The following C1orf74 variants were observed in gnomAD, a reference collection of about 807,000 sequenced individuals.
The protein encoded by C1orf74 is UPF0739 protein C1orf74.
In C1orf74, 5 loss-of-function variants were observed where a neutral mutation model predicts 7.3. The observed-to-expected ratio is 0.68, with a 90% confidence interval of 0.36 to 1.44. The LOEUF (loss-of-function observed/expected upper bound fraction) is 1.44. Ranked by LOEUF, C1orf74 falls within the 40% of genes most tolerant of loss-of-function variation. The pLI is 0.04. For synonymous variants in C1orf74, 121 were observed against 132.5 expected (o/e 0.91, Z 0.59); for missense variants, 291 against 314.3 (o/e 0.93, Z 0.56).
At position 209,783,101 on chromosome 1, in the gene C1orf74, G is replaced by T. The variant is rs369345992; in HGVS notation, c.534C>A (p.Gly178=). The T allele has an allele frequency of 3.1e-6, 5 of 1,614,046 alleles. No individual in the cohort carries two copies. The African/African-American group carries it at 5.3e-5, about 17-fold the overall frequency. ...GGTGAAAGGTATAGGGAACAGGATA[G>T]CCCAGGAGGATCCCAAATACAGTAC... ...NLCTVFGILL[G]YPVPYTFHLN... is the part of the protein sequence containing the mutation. The change falls in exon 2 of 2, where the codon GGC becomes GGA. Residue 178 remains glycine (G), a synonymous_variant. Transcript: ENST00000294811.
In C1orf74 at chr1:209,779,341, C is replaced by G. The variant is rs750535352; in HGVS notation, c.*3484G>C. ...TTTGCTTCAAAATCAATCCTTACAGCTTCAAGAACAGGAGAAACTCTTAAC... is the reference window on the plus strand; with the variant it reads ...TTTGCTTCAAAATCAATCCTTACAGGTTCAAGAACAGGAGAAACTCTTAAC... On this transcript the variant is annotated 3_prime_UTR_variant, in exon 2 of 2. Transcript: ENST00000294811. The G allele has an allele frequency of 6.2e-7, 1 of 1,614,150 alleles. No homozygotes were observed. Among genetic ancestry groups the G allele is most frequent in the South Asian group, 1.1e-5 (1 of 91,086 alleles).
rs780382103 is a variant in C1orf74, at chr1:209,783,157, T to C, written c.478A>G (p.Ser160Gly). ...TTCCAGTCTGAGGAATGGAGCCTGCTGTAGGAGACTGCTAGAGATAAGTCC... is the reference window on the plus strand; with the variant it reads ...TTCCAGTCTGAGGAATGGAGCCTGCCGTAGGAGACTGCTAGAGATAAGTCC... The part of the protein sequence containing the change: ...QRDLSLAVSY[S>G]RLHSSDWNLC... The change falls in exon 2 of 2, where the codon AGC becomes GGC. Residue 160 changes from serine (S) to glycine (G), a missense_variant. Transcript: ENST00000294811. 3.1e-6 allele frequency: 5 copies of C among 1,614,160 alleles called. No homozygotes were observed. The Admixed American group carries it at 8.3e-5, about 27-fold the overall frequency.
At position 209,781,517 on chromosome 1, in the gene C1orf74, C is replaced by G; in HGVS notation, c.*1308G>C. ...ATGATGGGACGATTCCTTCTTTAAC[C>G]AAGTTTTGCACATAAAATATATCAG... On this transcript the variant is annotated 3_prime_UTR_variant, in exon 2 of 2. Coordinates refer to ENST00000294811, the MANE Select transcript of C1orf74 (RefSeq NM_152485.4). 7.7e-7 allele frequency: 1 copy of G among 1,290,846 alleles called. No individual in the cohort carries two copies. Among genetic ancestry groups the G allele is most frequent in the Non-Finnish European group, 1.1e-6 (1 of 890,796 alleles). 80.0% of individuals were successfully genotyped at this position (1,290,846 alleles called of 1,614,324 possible).
In C1orf74 at chr1:209,781,990, AT is replaced by A; in HGVS notation, c.*834del. 7.4e-7 allele frequency: 1 copy of A among 1,345,672 alleles called. No individual in the cohort carries two copies. Among genetic ancestry groups the A allele is most frequent in the Non-Finnish European group, 1.1e-6 (1 of 936,608 alleles). 83.4% of individuals were successfully genotyped at this position (1,345,672 alleles called of 1,614,324 possible). A position where few individuals can be genotyped will look rare whatever the true frequency, so the allele number is the denominator to read the frequency against. On this transcript the variant is annotated 3_prime_UTR_variant, in exon 2 of 2. Coordinates refer to ENST00000294811, the MANE Select transcript of C1orf74 (RefSeq NM_152485.4). ...CTGGGCTAGAGTAGGAAGAAGAAAG[AT>A]TTTTGCCTATATCTTTTCCAATCCA... is the stretch of plus-strand genomic sequence containing the variant.
In C1orf74 at chr1:209,783,660, G is replaced by A. The variant is rs187773705; in HGVS notation, c.-26C>T. The A allele has an allele frequency of 5.2e-6, 8 of 1,534,464 alleles. No homozygotes were observed. Among genetic ancestry groups the A allele is most frequent in the African/African-American group, 4.1e-5 (3 of 72,406 alleles). ...CAAGAATGGCCTCCTTAGCTAGCCC[G>A]AGTTCCCTTCCCTGGGTGGCATCTT... On this transcript the variant is annotated 5_prime_UTR_variant, in exon 2 of 2. Transcript: ENST00000294811.
In C1orf74 at chr1:209,782,215, T is replaced by A. The variant is rs1327780105; in HGVS notation, c.*610A>T. ...CAACTCAGCGAAAAACTCAGAAGGTTTGGGTACATTACAGCTTGGGTTTTC... is the reference window on the plus strand; with the variant it reads ...CAACTCAGCGAAAAACTCAGAAGGTATGGGTACATTACAGCTTGGGTTTTC... On this transcript the variant is annotated 3_prime_UTR_variant, in exon 2 of 2. Coordinates refer to ENST00000294811, the MANE Select transcript of C1orf74 (RefSeq NM_152485.4). 20 of 1,281,018 alleles carry A rather than the reference T, an allele frequency of 1.6e-5. No individual in the cohort carries two copies. The highest frequency in any genetic ancestry group is 1.9e-5 in the Non-Finnish European group (17 of 876,846). 79.4% of individuals were successfully genotyped at this position (1,281,018 alleles called of 1,614,324 possible).
Position 209,781,569 on chromosome 1 carries a change from C to A in C1orf74, c.*1256G>T. The A allele has an allele frequency of 2.7e-6, 2 of 741,062 alleles. No homozygotes were observed. Among genetic ancestry groups the A allele is most frequent in the Non-Finnish European group, 4.7e-6 (2 of 425,124 alleles). The allele number at this position is 741,062 out of a possible 1,614,324, so 45.9% of individuals were successfully genotyped here. ...CCACGCCAACAACTGGCCATCCTGT[C>A]CCACTGTGCTTGGTTTATACTATAC... is the stretch of plus-strand genomic sequence containing the variant. On this transcript the variant is annotated 3_prime_UTR_variant, in exon 2 of 2. Coordinates refer to ENST00000294811, the MANE Select transcript of C1orf74 (RefSeq NM_152485.4).
In C1orf74 at chr1:209,781,118, G is replaced by A. The variant is rs927862154; in HGVS notation, c.*1707C>T. 7.2e-6 allele frequency: 2 copies of A among 278,870 alleles called. No homozygotes were observed. The highest frequency in any genetic ancestry group is 2.2e-5 in the African/African-American group (1 of 45,196). The allele number at this position is 278,870 out of a possible 1,614,324, so 17.3% of individuals were successfully genotyped here. A position where few individuals can be genotyped will look rare whatever the true frequency, so the allele number is the denominator to read the frequency against. ...TAAAGTCATATAAAAGAACTTAAAT[G>A]TATAAAATGTAATACTATAATATGC... On this transcript the variant is annotated 3_prime_UTR_variant, in exon 2 of 2. Coordinates refer to ENST00000294811, the MANE Select transcript of C1orf74 (RefSeq NM_152485.4).
In C1orf74 at chr1:209,779,505, G is replaced by A. The variant is rs1308008753; in HGVS notation, c.*3320C>T. 1 of 793,390 alleles carries A rather than the reference G, an allele frequency of 1.3e-6. No homozygotes were observed. Among genetic ancestry groups the A allele is most frequent in the South Asian group, 1.4e-5 (1 of 70,126 alleles). 49.1% of individuals were successfully genotyped at this position (793,390 alleles called of 1,614,324 possible). On this transcript the variant is annotated 3_prime_UTR_variant, in exon 2 of 2. Coordinates refer to ENST00000294811, the MANE Select transcript of C1orf74 (RefSeq NM_152485.4). ...GAGTCTGTTAAGTCCGGGATGTGTG[G>A]GAGCTTTTTAAGGACTGATCATTGG... is the stretch of plus-strand genomic sequence containing the variant.
At position 209,782,875 on chromosome 1, in the gene C1orf74, C is replaced by G. The variant is rs752898507; in HGVS notation, c.760G>C (p.Asp254His). Residue 254 changes from aspartate (D) to histidine (H), a missense_variant, in exon 2 of 2, where the codon GAT (aspartate) becomes CAT (histidine). Transcript: ENST00000294811. ...TRFRTQNDFA[D>H]LSISSEIVTL... ...ACTATCTCAGAGGAGATGCTGAGAT[C>G]AGCAAAGTCATTCTGAGTCCTAAAT... 2.5e-6 allele frequency: 4 copies of G among 1,613,996 alleles called. No homozygotes were observed. In the South Asian group the frequency reaches 3.3e-5, roughly 13 times the overall value.
At position 209,782,319 on chromosome 1, in the gene C1orf74, C is replaced by T. The variant is rs2077799532; in HGVS notation, c.*506G>A. The T allele has an allele frequency of 1.7e-6, 1 of 600,100 alleles. No individual in the cohort carries two copies. Among genetic ancestry groups the T allele is most frequent in the Non-Finnish European group, 3.0e-6 (1 of 334,208 alleles). The allele number at this position is 600,100 out of a possible 1,614,324, so 37.2% of individuals were successfully genotyped here. A position where few individuals can be genotyped will look rare whatever the true frequency, so the allele number is the denominator to read the frequency against. On this transcript the variant is annotated 3_prime_UTR_variant, in exon 2 of 2. Transcript: ENST00000294811. ...AACTTCACCTGACCAGATTGTTCCT[C>T]AGAACTCTCAGTTTATTCCTGAATG... is the stretch of plus-strand genomic sequence containing the variant.
At position 209,779,964 on chromosome 1, in the gene C1orf74, A is replaced by G. The variant is rs1349076988; in HGVS notation, c.*2861T>C. 6.2e-6 allele frequency: 1 copy of G among 162,470 alleles called. No individual in the cohort carries two copies. The highest frequency in any genetic ancestry group is 1.3e-5 in the Non-Finnish European group (1 of 74,726). 10.1% of individuals were successfully genotyped at this position (162,470 alleles called of 1,614,324 possible). ...ACAAACTAACAACACAGCTATAACA[A>G]CAATCCAAAACTTCTGACTCCTAGT... On this transcript the variant is annotated 3_prime_UTR_variant, in exon 2 of 2. Coordinates refer to ENST00000294811, the MANE Select transcript of C1orf74 (RefSeq NM_152485.4).
chr1:209,781,142 G>A lies in C1orf74; in HGVS notation c.*1683C>T, dbSNP rs2077770099. ...TGTATAAAATGTAATACTATAATAT[G>A]CATTACTGTCAATCATTTAAATGAA... On this transcript the variant is annotated 3_prime_UTR_variant, in exon 2 of 2. Coordinates refer to ENST00000294811, the MANE Select transcript of C1orf74 (RefSeq NM_152485.4). The A allele has an allele frequency of 5.0e-6, 2 of 402,002 alleles. No individual in the cohort carries two copies. Among genetic ancestry groups the A allele is most frequent in the Non-Finnish European group, 9.2e-6 (2 of 217,596 alleles). The allele number at this position is 402,002 out of a possible 1,614,324, so 24.9% of individuals were successfully genotyped here. A position where few individuals can be genotyped will look rare whatever the true frequency, so the allele number is the denominator to read the frequency against.
rs2102524234 is a variant in C1orf74 at position 209,781,093 on chromosome 1, TAA to T, written c.*1730_*1731del. ...CTCTCATTTGCAAAGCACTTGCACG[TAA>T]AGTCATATAAAAGAACTTAAATGTA... On this transcript the variant is annotated 3_prime_UTR_variant, in exon 2 of 2. Coordinates refer to ENST00000294811, the MANE Select transcript of C1orf74 (RefSeq NM_152485.4). The T allele has an allele frequency of 1.2e-5, 3 of 244,528 alleles. No homozygotes were observed. The South Asian group carries it at 1.9e-4, about 15-fold the overall frequency. The allele number at this position is 244,528 out of a possible 1,614,324, so 15.1% of individuals were successfully genotyped here.
intron 1 of C1orf74, 46 bp from the exon 2 acceptor site, chr1:209,783,755 A>AAT: frequency 1.3e-6 from 1 of 795,328 alleles, no homozygotes. Flanking sequence ...CCTTCCTGTT[A>AAT]AATCGCGGTA....
At position 209,780,719 on chromosome 1, in the gene C1orf74, A is replaced by T. The variant is rs1007750878; in HGVS notation, c.*2106T>A. On this transcript the variant is annotated 3_prime_UTR_variant, in exon 2 of 2. Transcript: ENST00000294811. Reference sequence around the variant, plus strand: ...TTAAGTTGTGAGTGGATAACCACAGACATTCATTTGCCTACATAAAGTGTC... The same window carrying T: ...TTAAGTTGTGAGTGGATAACCACAGTCATTCATTTGCCTACATAAAGTGTC... 6.0e-6 allele frequency: 6 copies of T among 1,004,656 alleles called. No homozygotes were observed. Among genetic ancestry groups the T allele is most frequent in the Admixed American group, 3.7e-5 (1 of 26,888 alleles). The allele number at this position is 1,004,656 out of a possible 1,614,324, so 62.2% of individuals were successfully genotyped here.
Position 209,779,426 on chromosome 1 carries a change from C to A in C1orf74, c.*3399G>T. ...TAAGATATTGCTCTTCTCTTACCTG[C>A]CTAGAGGCAGCGGGATGGACTACAT... On this transcript the variant is annotated 3_prime_UTR_variant, in exon 2 of 2. Coordinates refer to ENST00000294811, the MANE Select transcript of C1orf74 (RefSeq NM_152485.4). 6.6e-7 allele frequency: 1 copy of A among 1,524,372 alleles called. No individual in the cohort carries two copies. Among genetic ancestry groups the A allele is most frequent in the Non-Finnish European group, 9.1e-7 (1 of 1,098,904 alleles). 94.4% of individuals were successfully genotyped at this position (1,524,372 alleles called of 1,614,324 possible). A position where few individuals can be genotyped will look rare whatever the true frequency, so the allele number is the denominator to read the frequency against.
Position 209,782,430 on chromosome 1 carries a change from G to T in C1orf74, c.*395C>A. The T allele has an allele frequency of 2.1e-6, 1 of 475,090 alleles. No individual in the cohort carries two copies. The highest frequency in any genetic ancestry group is 3.8e-6 in the Non-Finnish European group (1 of 262,762). 29.4% of individuals were successfully genotyped at this position (475,090 alleles called of 1,614,324 possible). On this transcript the variant is annotated 3_prime_UTR_variant, in exon 2 of 2. Coordinates refer to ENST00000294811, the MANE Select transcript of C1orf74 (RefSeq NM_152485.4). ...TCAGTTGGAGGCATATAAACATGCAGAAAAGCCCCCAGCCCTACTTTCCTA... is the reference window on the plus strand; with the variant it reads ...TCAGTTGGAGGCATATAAACATGCATAAAAGCCCCCAGCCCTACTTTCCTA...
chr1:209,783,719 A>C lies in C1orf74; in HGVS notation c.-75-10T>G. 1 of 1,118,448 alleles carries C rather than the reference A, an allele frequency of 8.9e-7. No homozygotes were observed. The highest frequency in any genetic ancestry group is 1.3e-6 in the Non-Finnish European group (1 of 777,190). 69.3% of individuals were successfully genotyped at this position (1,118,448 alleles called of 1,614,324 possible). ...ACACTTGAGGAGGGGCCTAGAAACA[A>C]AGCAGGAGCAGGGAATTATTAACAG... On this transcript the variant is annotated splice_polypyrimidine_tract_variant and intron_variant, in intron 1 of 1. Coordinates refer to ENST00000294811, the MANE Select transcript of C1orf74 (RefSeq NM_152485.4).
Sources: gnomAD v4.1 joint callset for allele counts on GRCh38, gnomAD v4.1.1 for gene constraint, MANE v1.5 for transcripts, NCBI Gene and HGNC (gene_info 2026-07-23, HGNC 2026-07-21) for gene names.